Variants in EYS observed in about 807,000 individuals in gnomAD.
EYS encodes protein eyes shut homolog.
EYS carries 250 observed loss-of-function variants against 282.1 expected under a neutral mutation model. The ratio of observed to expected loss-of-function variants is 0.89; its 90% CI spans 0.80 to 0.98. The LOEUF (loss-of-function observed/expected upper bound fraction) is 0.98, where lower values mean the gene tolerates loss of function less well. EYS is among the 50% of genes least tolerant of loss of function. The probability of loss-of-function intolerance (pLI) is 0.00; values close to 1 mark genes in which losing one functional copy is unlikely to be tolerated. For synonymous variants in EYS, 1,355 were observed against 1,282.9 expected, an observed-to-expected ratio of 1.06 and a Z score of -1.20; for missense variants, 4,016 against 3,709.0, an observed-to-expected ratio of 1.08 and a Z score of -2.15.
At chr6:65,347,183 T>C (rs1770426803) in intron 9 of EYS, among the ~76,000 whole-genome samples, 1 of 151,804 alleles carries the variant, frequency 6.6e-6, no homozygotes, top group African/African-American at 2.4e-5. Flanking sequence ...CTAAAATTTT[T>C]ACCAGGCTAA....
At chr6:63,800,195 T>C (rs1438411230) in intron 37 of EYS, among the ~76,000 whole-genome samples, 2 of 152,200 alleles carry the variant, frequency 1.3e-5, no homozygotes, top group African/African-American at 4.8e-5. Context: ...TCAGTGCTAT[T>C]TATATTCCAG....
chr6:64,068,512 G>T (rs1771457789), intron 32 of EYS, among the ~76,000 whole-genome samples: 1 of 151,432 alleles, frequency 6.6e-6, no homozygotes, highest in African/African-American at 2.4e-5. Context: ...AAATGTTGTG[G>T]GGTGGGGGGA....
intron 31 of EYS, among the ~76,000 whole-genome samples, chr6:64,100,273 C>A (rs1323372605): frequency 2.6e-5 from 4 of 152,036 alleles, no homozygotes; most frequent in African/African-American, 9.7e-5. Context: ...TTCTTTAATT[C>A]TTTTCTTAGC....
chr6:63,971,091 T>C (rs1766549280), intron 35 of EYS, among the ~76,000 whole-genome samples: 2 of 152,236 alleles, frequency 1.3e-5, no homozygotes. Flanking sequence ...TTCTCATTTC[T>C]ACTGGACAAA....
At chr6:64,839,698 A>T (rs969415520) in intron 19 of EYS, among the ~76,000 whole-genome samples, 3 of 152,074 alleles carry the variant, frequency 2.0e-5, no homozygotes, top group Non-Finnish European at 2.9e-5. Context: ...CCCAAGATCA[A>T]GGTGCTGACA....
intron 30 of EYS, among the ~76,000 whole-genome samples, chr6:64,295,723 C>T (rs1283424013): frequency 4.9e-5 from 4 of 81,686 alleles, no homozygotes; most frequent in East Asian, 2.6e-4. Context: ...AGCCAGACTC[C>T]GTCTCCAAAA....
intron 14 of EYS, among the ~76,000 whole-genome samples, chr6:64,963,072 T>C (rs1171133287): frequency 6.6e-6 from 1 of 152,196 alleles, no homozygotes. Flanking sequence ...TGTATTATTC[T>C]GAGTGTCACT....
chr6:63,756,595 T>C (rs1769490446), intron 41 of EYS, among the ~76,000 whole-genome samples: 1 of 152,194 alleles, frequency 6.6e-6, no homozygotes, highest in Non-Finnish European at 1.5e-5. Context: ...CTCTTTTTTG[T>C]TGTGTCTCTG....
rs577408195 is a variant in EYS, at chr6:65,005,071, G to A, written c.2138-7368C>T. ...TAAATCTTGCAACTGCACTCTTCTGGTCTATGTTTGTTATGGCTTGAGCTG... is the reference window on the plus strand; with the variant it reads ...TAAATCTTGCAACTGCACTCTTCTGATCTATGTTTGTTATGGCTTGAGCTG... On this transcript the variant is annotated intron_variant, in intron 13 of 42. Transcript: ENST00000503581. Among the ~76,000 whole-genome samples the A allele has an allele frequency of 4.7e-5, 7 of 147,724 alleles. 1 individual carries two copies. The East Asian group carries it at 1.3e-3, about 27-fold the overall frequency.
chr6:64,568,811 G>A (rs1334479584), intron 26 of EYS, among the ~76,000 whole-genome samples: 2 of 152,064 alleles, frequency 1.3e-5, no homozygotes, highest in Non-Finnish European at 2.9e-5. Flanking sequence ...TTGTTCTGCA[G>A]CCTCCGCTGG....
intron 22 of EYS, among the ~76,000 whole-genome samples, chr6:64,790,171 C>A (rs1209813504): frequency 6.6e-6 from 1 of 151,754 alleles, no homozygotes; most frequent in East Asian, 1.9e-4. Flanking sequence ...AAAGAATAGG[C>A]TGTATGTTTA....
At chr6:64,857,341 A>C (rs888127625) in intron 19 of EYS, among the ~76,000 whole-genome samples, 1 of 152,188 alleles carries the variant, frequency 6.6e-6, no homozygotes, top group Non-Finnish European at 1.5e-5. Flanking sequence ...TTCCATATGT[A>C]AGTGAAATAA....
At position 64,413,385 on chromosome 6, in the gene EYS, ACT is replaced by A. The variant is rs1349839820; in HGVS notation, c.5927+22787_5927+22788del. On this transcript the variant is annotated intron_variant, in intron 28 of 42. Coordinates refer to ENST00000503581, the MANE Select transcript of EYS (RefSeq NM_001142800.2). ...CATCTATAAATTATCTTTTCATTAA[ACT>A]CTGTTTAAGCCCTTTGAGTATAAAT... Among the ~76,000 whole-genome samples the A allele has an allele frequency of 9.2e-5, 14 of 151,898 alleles. No individual in the cohort carries two copies. The East Asian group carries it at 1.6e-3, about 17-fold the overall frequency.
intron 22 of EYS, among the ~76,000 whole-genome samples, chr6:64,709,363 A>G (rs1412777319): frequency 6.6e-6 from 1 of 152,136 alleles, no homozygotes; most frequent in Non-Finnish European, 1.5e-5. Flanking sequence ...ATAACATTTG[A>G]TGGAGTTCAT....
At chr6:63,870,736 A>G (rs1433933931) in intron 35 of EYS, among the ~76,000 whole-genome samples, 1 of 152,176 alleles carries the variant, frequency 6.6e-6, no homozygotes, top group Non-Finnish European at 1.5e-5. Context: ...ATCTCTTTAT[A>G]TAGAGTCAGT....
At chr6:64,743,967 A>G (rs551863854) in intron 22 of EYS, among the ~76,000 whole-genome samples, 3 of 152,256 alleles carry the variant, frequency 2.0e-5, no homozygotes, top group African/African-American at 4.8e-5. Flanking sequence ...TTCTATTTCT[A>G]GAATAATTCT....
At chr6:64,497,234 C>T (rs987455136) in intron 26 of EYS, among the ~76,000 whole-genome samples, 1 of 152,132 alleles carries the variant, frequency 6.6e-6, no homozygotes, top group Non-Finnish European at 1.5e-5. Context: ...TTATCTGTGA[C>T]TGCTTTGCAA....
chr6:64,388,997 C>G (rs1398990913), intron 28 of EYS, among the ~76,000 whole-genome samples, 157 bp from the exon 29 acceptor site: 1 of 151,968 alleles, frequency 6.6e-6, no homozygotes. Flanking sequence ...AAATTAGAAT[C>G]CTTAATGCTT....
At chr6:63,778,756 C>T (rs575355304) in intron 39 of EYS, among the ~76,000 whole-genome samples, 1 of 152,106 alleles carries the variant, frequency 6.6e-6, no homozygotes, top group East Asian at 1.9e-4. Flanking sequence ...TTGAAGTATG[C>T]CTAAGTGTCC....
Sources: allele counts gnomAD v4.1 joint callset (sites outside exome capture counted in the v4.1 genomes callset), GRCh38; gene constraint gnomAD v4.1.1; transcripts MANE v1.5; gene names NCBI Gene and HGNC (gene_info 2026-07-23, HGNC 2026-07-21).